RUFY2: variants seen among roughly 807,000 people sequenced by gnomAD.
RUFY2 encodes RUN and FYVE domain containing 2, also known as RUN and FYVE domain-containing protein 2.
A neutral mutation model predicts 94.4 loss-of-function variants in RUFY2; 49 were observed. That is an observed-to-expected ratio of 0.52 (90% CI 0.41 to 0.66). The LOEUF (loss-of-function observed/expected upper bound fraction) is 0.66. RUFY2 is among the 30% of genes least tolerant of loss of function. The probability of loss-of-function intolerance (pLI) is 0.00; values close to 1 mark genes in which losing one functional copy is unlikely to be tolerated. For synonymous variants in RUFY2, 255 were observed against 235.7 expected (o/e 1.08, Z -0.75); for missense variants, 541 against 692.8 (o/e 0.78, Z 2.46).
At chr10:68,368,894 A>G (rs1319036510) in intron 13 of RUFY2, among the ~76,000 whole-genome samples, 1 of 152,194 alleles carries the variant, frequency 6.6e-6, no homozygotes, top group African/African-American at 2.4e-5. Flanking sequence ...GAAATAGCCT[A>G]GCAAGACAGA....
At chr10:68,371,541 G>C (rs1319986905) in intron 13 of RUFY2, among the ~76,000 whole-genome samples, 4 of 150,482 alleles carry the variant, frequency 2.7e-5, no homozygotes, top group African/African-American at 9.8e-5. Context: ...GCAGAGAGCC[G>C]AGATCGCGCC....
chr10:68,391,828 G>C (rs865906316), intron 7 of RUFY2, among the ~76,000 whole-genome samples: 1 of 151,114 alleles, frequency 6.6e-6, no homozygotes, highest in South Asian at 2.1e-4. Flanking sequence ...TGTGCGTGGT[G>C]GTGGGCACCT....
chr10:68,374,225 T>C (rs10998095), intron 13 of RUFY2, among the ~76,000 whole-genome samples: 8,546 of 150,926 alleles, frequency 0.057, 500 homozygotes, highest in South Asian at 0.19. Flanking sequence ...CGCTTGAGGC[T>C]AGGAGTGCAA....
At position 68,376,875 on chromosome 10, in the gene RUFY2, T is replaced by C. The variant is rs775156393; in HGVS notation, c.1303A>G (p.Ile435Val). The C allele has an allele frequency of 5.6e-6, 9 of 1,613,654 alleles. No individual in the cohort carries two copies. The Admixed American group carries it at 1.2e-4, about 21-fold the overall frequency. ...LSKSDSLQKQISQKEKQLVQL... is the reference protein window; with the variant it reads ...LSKSDSLQKQVSQKEKQLVQL... ...CACAGCTGTTTCTCCTTTTGGGAGA[T>C]TTGTTTCTGCAGACTATCAGATTTA... The change falls in exon 13 of 18, where the codon ATC becomes GTC. Residue 435 changes from isoleucine (I) to valine (V), a missense_variant. Ile to Val is a conservative substitution (Grantham distance 29, BLOSUM62 3). Transcript: ENST00000602465.
At chr10:68,341,316 G>T, downstream of RUFY2, 1 of 1,597,440 alleles carries the variant, frequency 6.3e-7, no homozygotes. Flanking sequence ...ATGCGTAAGT[G>T]GTGTCTTTGG....
At chr10:68,375,720 G>A (rs957964998) in intron 13 of RUFY2, among the ~76,000 whole-genome samples, 8 of 148,300 alleles carry the variant, frequency 5.4e-5, no homozygotes, top group African/African-American at 2.0e-4. Flanking sequence ...AGCTTGCAGT[G>A]AGCCGAGATC....
At chr10:68,393,680 G>C (rs994205291) in intron 6 of RUFY2, 1 of 212,812 alleles carries the variant, frequency 4.7e-6, no homozygotes, top group African/African-American at 2.4e-5. Context: ...AGTGAGCCAA[G>C]ATAGAACCAC....
intron 1 of RUFY2, chr10:68,405,740 C>T (rs1480998216): frequency 2.0e-6 from 2 of 979,824 alleles, no homozygotes; most frequent in Non-Finnish European, 1.2e-6. Context: ...TTCATTCTGA[C>T]TGTAGTTCTG....
At chr10:68,374,114 CAAAAAAAA>C (rs34041522) in intron 13 of RUFY2, among the ~76,000 whole-genome samples, 4 of 59,340 alleles carry the variant, frequency 6.7e-5, no homozygotes, top group South Asian at 8.5e-4. Context: ...GATCCTGTCC[CAAAAAAAA>C]AAAAAAAAAA....
Position 68,394,311 on chromosome 10 carries a change from T to C in RUFY2, c.522+17A>G. 6.2e-7 allele frequency: 1 copy of C among 1,613,852 alleles called. No homozygotes were observed. The highest frequency in any genetic ancestry group is 8.5e-7 in the Non-Finnish European group (1 of 1,179,818). On this transcript the variant is annotated intron_variant, in intron 5 of 17. Coordinates refer to ENST00000602465, the MANE Select transcript of RUFY2 (RefSeq NM_001330103.2). Reference sequence around the variant, plus strand: ...ACTGAAAACACTCTGCATTTGGCACTAGTCACTTTCACTTACTTGTGAGTC... The same window carrying C: ...ACTGAAAACACTCTGCATTTGGCACCAGTCACTTTCACTTACTTGTGAGTC...
intron 13 of RUFY2, among the ~76,000 whole-genome samples, chr10:68,376,050 C>T (rs964282919): frequency 4.9e-5 from 7 of 143,958 alleles, no homozygotes; most frequent in African/African-American, 1.8e-4. Context: ...CAGTGAGCCA[C>T]CAAGGTCGTG....
intron 15 of RUFY2, among the ~76,000 whole-genome samples, chr10:68,357,119 G>A (rs146857180): frequency 1.4e-4 from 22 of 151,888 alleles, no homozygotes; most frequent in African/African-American, 4.6e-4. Flanking sequence ...ACTGAGCCGA[G>A]ATCGTGCCAC....
At chr10:68,381,116 G>T in intron 11 of RUFY2, 116 bp downstream of exon 11, 2 of 590,594 alleles carry the variant, frequency 3.4e-6, no homozygotes, top group East Asian at 3.2e-5. Context: ...AAAAGACATT[G>T]GCCTTTATAA....
chr10:68,406,369 T>C (rs1010584308), intron 1 of RUFY2, among the ~76,000 whole-genome samples: 1 of 152,206 alleles, frequency 6.6e-6, no homozygotes, highest in Non-Finnish European at 1.5e-5. Context: ...TGACTCCCAC[T>C]ATTTTTCGGG....
intron 1 of RUFY2, chr10:68,405,313 CAAAAA>C (rs386371709): frequency 8.8e-5 from 15 of 171,330 alleles, no homozygotes; most frequent in Non-Finnish European, 9.9e-5. Context: ...CTCCGTCTCA[CAAAAA>C]AAAAAAAAAG....
At chr10:68,341,566 CTT>C (rs749191002), downstream of RUFY2, 16 of 1,525,140 alleles carry the variant, frequency 1.0e-5, no homozygotes, top group East Asian at 2.2e-5. Context: ...CCCTGTTACT[CTT>C]TCTTTTTTTC....
chr10:68,397,695 T>C (rs1461060610), intron 3 of RUFY2, among the ~76,000 whole-genome samples: 2 of 151,762 alleles, frequency 1.3e-5, no homozygotes, highest in Non-Finnish European at 2.9e-5. Flanking sequence ...AGGAGGTTGC[T>C]TAAGCCCAGT....
At chr10:68,390,514 T>C (rs1047952316) in intron 7 of RUFY2, among the ~76,000 whole-genome samples, 44 of 152,194 alleles carry the variant, frequency 2.9e-4, no homozygotes, top group Admixed American at 2.0e-4. Flanking sequence ...CACATGTGGC[T>C]ACTAAACACT....
chr10:68,364,212 G>A, intron 13 of RUFY2, 99 bp from the exon 14 acceptor site: 1 of 1,174,484 alleles, frequency 8.5e-7, no homozygotes. Context: ...TATTACTTTG[G>A]CCTTTGTAAT....
Sources: gnomAD v4.1 joint callset for allele counts (sites outside exome capture counted in the v4.1 genomes callset) on GRCh38, gnomAD v4.1.1 for gene constraint, MANE v1.5 for transcripts, NCBI Gene and HGNC (gene_info 2026-07-23, HGNC 2026-07-21) for gene names.